Variants in FAT4 observed in about 807,000 individuals in gnomAD.
FAT4 encodes the protein FAT atypical cadherin 4.
FAT4 carries 84 observed loss-of-function variants against 303.9 expected under a neutral mutation model. That is an observed-to-expected ratio of 0.28 (90% CI 0.23 to 0.33). FAT4 has a LOEUF of 0.33. FAT4 is among the 10% of genes least tolerant of loss of function. The pLI, the probability that FAT4 is intolerant of heterozygous loss-of-function variation, is 1.00. For synonymous variants in FAT4, 2,307 were observed against 2,298.8 expected (o/e 1.00, Z -0.10); for missense variants, 6,005 against 6,146.8 (o/e 0.98, Z 0.77).
rs1725915075 is a variant in FAT4, at chr4:125,448,643, G to A, written c.7633G>A (p.Gly2545Ser). 6.2e-7 allele frequency: 1 copy of A among 1,613,744 alleles called. No individual in the cohort carries two copies. The highest frequency in any genetic ancestry group is 1.3e-5 in the African/African-American group (1 of 74,886). Residue 2545 changes from glycine (G) to serine (S), a missense_variant, in exon 10 of 18, where the codon GGT becomes AGT. Physicochemically the swap from Gly to Ser is moderately conservative, Grantham distance 56 (BLOSUM62 0). Coordinates refer to ENST00000394329, the MANE Select transcript of FAT4 (RefSeq NM_001291303.3). Reference protein sequence around the residue: ...EVTFSVHVKDGGSFPKTDSTT... With the variant: ...EVTFSVHVKDSGSFPKTDSTT... ...GACATTTTCTGTGCATGTAAAAGAT[G>A]GTGGCTCATTTCCAAAGACAGATTC...
rs368545850 is a variant in FAT4 at position 125,398,852 on chromosome 4, G to C, written c.5244G>C (p.Thr1748=). ...TTCCAACGGACATGCTGGATCTCACGGTAGAGGAGAACATTGGAGATGGCT... is the reference window on the plus strand; with the variant it reads ...TTCCAACGGACATGCTGGATCTCACCGTAGAGGAGAACATTGGAGATGGCT... ...PVFPTDMLDL[T]VEENIGDGSK... The change falls in exon 3 of 18, where the codon ACG becomes ACC. Residue 1748 remains threonine (T), a synonymous_variant. Transcript: ENST00000394329. The C allele has an allele frequency of 5.0e-5, 81 of 1,612,944 alleles. No homozygotes were observed. Among genetic ancestry groups the C allele is most frequent in the Non-Finnish European group, 6.3e-5 (74 of 1,179,210 alleles).
intron 2 of FAT4, among the ~76,000 whole-genome samples, chr4:125,342,566 T>G (rs148474264): frequency 9.0e-4 from 137 of 152,108 alleles, no homozygotes; most frequent in Middle Eastern, 7.8e-3. Context: ...TGATTAAAGC[T>G]TCAGTTAAAT....
chr4:125,449,043 C>A lies in FAT4; in HGVS notation c.8033C>A (p.Ser2678Tyr). The change falls in exon 10 of 18, where the codon TCT (serine) becomes TAT (tyrosine). Residue 2678 changes from serine to tyrosine, a missense_variant. Transcript: ENST00000394329. ...ATTTTTAAGGAAGACCCATTTATAT[C>A]TGAAATATTGGAAAACCTTTCCCCT... ...APIFKEDPFI[S>Y]EILENLSPRK... The A allele has an allele frequency of 1.2e-6, 2 of 1,613,808 alleles. No individual in the cohort carries two copies. Among genetic ancestry groups the A allele is most frequent in the Non-Finnish European group, 1.7e-6 (2 of 1,179,870 alleles).
rs2126096628 is a variant in FAT4, at chr4:125,490,314, A to T, written c.13498A>T (p.Ile4500Phe). The change falls in exon 18 of 18, where the codon ATC becomes TTC. Residue 4500 changes from isoleucine to phenylalanine, a missense_variant. By Grantham distance (21) the Ile-to-Phe change is conservative (BLOSUM62 0). Coordinates refer to ENST00000394329, the MANE Select transcript of FAT4 (RefSeq NM_001291303.3). ...TGTTCTGAGTCAGGGCCCTGAAGAGATCTCTCTGCCTTTGTGGGCTGTGCC... is the reference window on the plus strand; with the variant it reads ...TGTTCTGAGTCAGGGCCCTGAAGAGTTCTCTCTGCCTTTGTGGGCTGTGCC... Reference protein sequence around the residue: ...VCVLSQGPEEISLPLWAVPAI... With the variant: ...VCVLSQGPEEFSLPLWAVPAI... 1.9e-6 allele frequency: 3 copies of T among 1,614,000 alleles called. No individual in the cohort carries two copies. Among genetic ancestry groups the T allele is most frequent in the Non-Finnish European group, 1.7e-6 (2 of 1,180,000 alleles).
At chr4:125,359,614 C>A (rs1341854414) in intron 2 of FAT4, among the ~76,000 whole-genome samples, 1 of 152,088 alleles carries the variant, frequency 6.6e-6, no homozygotes. Flanking sequence ...CCTTTTAAAT[C>A]AAAAACATAC....
intron 2 of FAT4, among the ~76,000 whole-genome samples, chr4:125,374,802 A>T (rs952484347): frequency 3.9e-5 from 6 of 152,218 alleles, no homozygotes; most frequent in Admixed American, 6.5e-5. Context: ...AACTCAGATG[A>T]AATAATTGTA....
intron 8 of FAT4, among the ~76,000 whole-genome samples, chr4:125,440,699 C>T (rs879389379): frequency 7.4e-5 from 11 of 148,148 alleles, no homozygotes; most frequent in Non-Finnish European, 1.3e-4. Flanking sequence ...CAAATCTGTA[C>T]TATCAACTCT....
chr4:125,439,499 A>AT (rs58479752), intron 8 of FAT4, among the ~76,000 whole-genome samples: 19,189 of 144,964 alleles, frequency 0.13, 1,699 homozygotes, highest in Admixed American at 0.23. Context: ...TGCCCGGCTA[A>AT]TTTTTTTTTT....
At chr4:125,358,028 T>C (rs1330144671) in intron 2 of FAT4, among the ~76,000 whole-genome samples, 1 of 152,152 alleles carries the variant, frequency 6.6e-6, no homozygotes, top group Admixed American at 6.6e-5. Context: ...AGACCAGAAT[T>C]CTTTTAAGTA....
In FAT4 at chr4:125,318,077, G is replaced by C; in HGVS notation, c.1666G>C (p.Asp556His). The C allele has an allele frequency of 6.2e-7, 1 of 1,614,112 alleles. No homozygotes were observed. Among genetic ancestry groups the C allele is most frequent in the Non-Finnish European group, 8.5e-7 (1 of 1,180,020 alleles). Residue 556 changes from aspartate to histidine, a missense_variant, in exon 2 of 18, where the codon GAC becomes CAC. Coordinates refer to ENST00000394329, the MANE Select transcript of FAT4 (RefSeq NM_001291303.3). ...SQIVLNISAR[D>H]QGVHPKVSYA... ...GATTGTTCTGAATATAAGTGCCCGG[G>C]ACCAGGGAGTTCACCCCAAGGTGTC...
At chr4:125,390,589 T>C (rs997073009) in intron 2 of FAT4, among the ~76,000 whole-genome samples, 1 of 152,218 alleles carries the variant, frequency 6.6e-6, no homozygotes, top group Non-Finnish European at 1.5e-5. Flanking sequence ...AGTTTTTCCT[T>C]GCTTAATTTT....
chr4:125,452,423 C>T lies in FAT4; in HGVS notation c.11413C>T (p.His3805Tyr), dbSNP rs755511559. ...TGGAGTAAAGGTGGAATCTGTGGAT[C>T]ATGACTCCTGTGTGCATGGCCCATG... ...QSGVKVESVD[H>Y]DSCVHGPCQN... The change falls in exon 10 of 18, where the codon CAT becomes TAT. Residue 3805 changes from histidine to tyrosine, a missense_variant. Transcript: ENST00000394329. 1 of 1,614,076 alleles carries T rather than the reference C, an allele frequency of 6.2e-7. No individual in the cohort carries two copies. Among genetic ancestry groups the T allele is most frequent in the Non-Finnish European group, 8.5e-7 (1 of 1,180,026 alleles).
At chr4:125,427,992 T>G (rs1309949318) in intron 7 of FAT4, among the ~76,000 whole-genome samples, 1 of 152,174 alleles carries the variant, frequency 6.6e-6, no homozygotes, top group Non-Finnish European at 1.5e-5. Flanking sequence ...CTTTTTTCTT[T>G]TTTCAAATCT....
At chr4:125,387,112 C>A (rs1366671540) in intron 2 of FAT4, among the ~76,000 whole-genome samples, 1 of 152,204 alleles carries the variant, frequency 6.6e-6, no homozygotes. Context: ...CGCCCCTCAC[C>A]TGCTGCTATG....
At chr4:125,429,740 G>A (rs1280244479) in intron 7 of FAT4, among the ~76,000 whole-genome samples, 3 of 152,112 alleles carry the variant, frequency 2.0e-5, no homozygotes, top group Non-Finnish European at 4.4e-5. Context: ...AAATATATGA[G>A]CAAGGTTTAC....
rs141568430 is a variant in FAT4 at position 125,416,627 on chromosome 4, G to T, written c.7018+5G>T. ...TGATTACAGCTACAGATTCAGGTAA[G>T]TCCATTACACCCTTGTTCATTTGTA... is the stretch of plus-strand genomic sequence containing the variant. On this transcript the variant is annotated splice_donor_5th_base_variant and intron_variant, in intron 7 of 17. Coordinates refer to ENST00000394329, the MANE Select transcript of FAT4 (RefSeq NM_001291303.3). 1.2e-6 allele frequency: 2 copies of T among 1,613,280 alleles called. No homozygotes were observed. Among genetic ancestry groups the T allele is most frequent in the African/African-American group, 2.7e-5 (2 of 74,980 alleles).
chr4:125,450,039 T>G lies in FAT4; in HGVS notation c.9029T>G (p.Ile3010Arg). The change falls in exon 10 of 18, where the codon ATA becomes AGA. Residue 3010 changes from isoleucine to arginine, a missense_variant. Physicochemically the swap from Ile to Arg is moderately conservative, Grantham distance 97. Transcript: ENST00000394329. ...VGTKLIRVTA[I>R]DDKDFGLNSE... ...ACGAAGTTAATCAGAGTTACAGCAA[T>G]AGATGACAAAGATTTTGGACTGAAT... 6.2e-7 allele frequency: 1 copy of G among 1,613,928 alleles called. No homozygotes were observed. The highest frequency in any genetic ancestry group is 1.3e-5 in the African/African-American group (1 of 75,026).
intron 6 of FAT4, 89 bp from the exon 7 acceptor site, chr4:125,416,359 T>C (rs1735063939): frequency 8.4e-7 from 1 of 1,185,102 alleles, no homozygotes; most frequent in African/African-American, 1.5e-5. Context: ...CTTAACATAG[T>C]TTTACCTCAT....
intron 2 of FAT4, among the ~76,000 whole-genome samples, chr4:125,379,685 C>T (rs772847794): frequency 1.3e-5 from 2 of 151,904 alleles, no homozygotes; most frequent in Non-Finnish European, 2.9e-5. Flanking sequence ...GTATTGAACT[C>T]GTGACCTCAG....
Sources: allele counts gnomAD v4.1 joint callset (sites outside exome capture counted in the v4.1 genomes callset), GRCh38; gene constraint gnomAD v4.1.1; transcripts MANE v1.5; gene names NCBI Gene and HGNC (gene_info 2026-07-23, HGNC 2026-07-21).